The following SPINK8 variants were observed in gnomAD, a reference collection of about 807,000 sequenced individuals.
The protein encoded by SPINK8 is serine protease inhibitor Kazal-type 8.
Under a neutral mutation model 14.4 loss-of-function variants are expected in SPINK8, and 12 were observed. The observed-to-expected ratio is 0.83, with a 90% confidence interval of 0.53 to 1.35. SPINK8 has a LOEUF of 1.35. Among genes scored for constraint, SPINK8 ranks in the 40% most tolerant of loss-of-function variants. The pLI is 0.00. For synonymous variants in SPINK8, 32 were observed against 37.6 expected (o/e 0.85, Z 0.55); for missense variants, 103 against 117.0 (o/e 0.88, Z 0.55).
intron 7 of SPINK8, among the ~76,000 whole-genome samples, chr3:48,307,534 G>GCCCCCCCC (rs1365598443): frequency 1.4e-5 from 1 of 73,034 alleles, no homozygotes; most frequent in African/African-American, 6.7e-5. Context: ...CTCCCTATCT[G>GCCCCCCCC]CCCCCCACCC....
At chr3:48,321,812 TAA>T (rs907880824) in intron 4 of SPINK8, among the ~76,000 whole-genome samples, 3 of 141,646 alleles carry the variant, frequency 2.1e-5, no homozygotes, top group South Asian at 2.2e-4. Flanking sequence ...AGACTCCGTC[TAA>T]AAAAAAAAAA....
chr3:48,328,081 G>A (rs2036170073), intron 4 of SPINK8, among the ~76,000 whole-genome samples, 194 bp downstream of exon 4: 1 of 152,314 alleles, frequency 6.6e-6, no homozygotes, highest in Non-Finnish European at 1.5e-5. Flanking sequence ...GACTTGGATG[G>A]TTTGGATTCA....
At chr3:48,320,037 G>A (rs984484144) in intron 5 of SPINK8, among the ~76,000 whole-genome samples, 1 of 152,022 alleles carries the variant, frequency 6.6e-6, no homozygotes, top group Non-Finnish European at 1.5e-5. Flanking sequence ...GGCTGAGGCA[G>A]GAGAATGATG....
At chr3:48,331,050 C>T (rs1209516143) in intron 2 of SPINK8, among the ~76,000 whole-genome samples, 1 of 152,074 alleles carries the variant, frequency 6.6e-6, no homozygotes, top group Non-Finnish European at 1.5e-5. Context: ...TAGTCAGGGA[C>T]TGCATCTGGG....
At chr3:48,310,374 A>G (rs1167454639) in intron 6 of SPINK8, among the ~76,000 whole-genome samples, 3 of 152,224 alleles carry the variant, frequency 2.0e-5, no homozygotes, top group African/African-American at 7.2e-5. Context: ...ACAAATTATC[A>G]AAACTTAATA....
intron 2 of SPINK8, among the ~76,000 whole-genome samples, chr3:48,330,667 T>A (rs1403356182): frequency 6.6e-6 from 1 of 152,008 alleles, no homozygotes; most frequent in African/African-American, 2.4e-5. Flanking sequence ...GATATATGAT[T>A]TGACTATTTC....
chr3:48,329,594 A>G (rs1490884519), intron 2 of SPINK8, among the ~76,000 whole-genome samples: 1 of 152,254 alleles, frequency 6.6e-6, no homozygotes, highest in East Asian at 1.9e-4. Flanking sequence ...TATTTTATCA[A>G]GTCAAAAGTG....
chr3:48,317,264 T>G (rs7652233), intron 6 of SPINK8, among the ~76,000 whole-genome samples: 32,761 of 151,974 alleles, frequency 0.22, 4,347 homozygotes, highest in South Asian at 0.3. Flanking sequence ...CGAGGCAGGC[T>G]GATCACCTGA....
chr3:48,309,508 T>G (rs559681083), intron 7 of SPINK8, among the ~76,000 whole-genome samples: 38 of 152,328 alleles, frequency 2.5e-4, no homozygotes, highest in Non-Finnish European at 5.3e-4. Flanking sequence ...CAGAAGGTGT[T>G]ATTTTTGGTT....
At chr3:48,323,864 T>C (rs2036106524) in intron 4 of SPINK8, among the ~76,000 whole-genome samples, 1 of 152,150 alleles carries the variant, frequency 6.6e-6, no homozygotes, top group Admixed American at 6.5e-5. Flanking sequence ...CTCATGCTAG[T>C]ACCAAACTGT....
intron 6 of SPINK8, among the ~76,000 whole-genome samples, chr3:48,314,479 T>C (rs2035960799): frequency 6.6e-6 from 1 of 152,114 alleles, no homozygotes; most frequent in South Asian, 2.1e-4. Context: ...ATGGTAGTAA[T>C]GAAAAACAAC....
At chr3:48,331,429 T>C (rs903662944) in intron 2 of SPINK8, among the ~76,000 whole-genome samples, 5 of 152,176 alleles carry the variant, frequency 3.3e-5, no homozygotes, top group Non-Finnish European at 5.9e-5. Context: ...CTTTCCTTTC[T>C]GATGACTCCT....
chr3:48,308,301 C>A (rs1175493485), intron 7 of SPINK8, among the ~76,000 whole-genome samples: 1 of 151,958 alleles, frequency 6.6e-6, no homozygotes, highest in Admixed American at 6.6e-5. Context: ...CTCTGCAAAT[C>A]CTTGGCATCC....
intron 6 of SPINK8, among the ~76,000 whole-genome samples, chr3:48,313,331 T>G (rs917597022): frequency 2.0e-5 from 3 of 152,134 alleles, no homozygotes; most frequent in Non-Finnish European, 4.4e-5. Context: ...GAGTAGATAT[T>G]TCTCCAAAAA....
chr3:48,323,275 G>A (rs1175641631), intron 4 of SPINK8, among the ~76,000 whole-genome samples: 1 of 152,080 alleles, frequency 6.6e-6, no homozygotes, highest in Non-Finnish European at 1.5e-5. Flanking sequence ...CACCCGAGTA[G>A]CTGGGATTAC....
At chr3:48,307,127 G>A (rs1445278726) in intron 7 of SPINK8, 124 bp from the exon 8 acceptor site, 20 of 954,324 alleles carry the variant, frequency 2.1e-5, no homozygotes, top group Non-Finnish European at 3.2e-5. Context: ...CTGAATTAAG[G>A]CAGGTTAGAG....
At chr3:48,319,395 G>T (rs888647805) in intron 6 of SPINK8, 102 bp downstream of exon 6, 54 of 1,327,766 alleles carry the variant, frequency 4.1e-5, no homozygotes, top group African/African-American at 5.8e-5. Context: ...TGGAGAGAAG[G>T]TCTCATTGGA....
At chr3:48,326,228 C>A (rs2036139607) in intron 4 of SPINK8, among the ~76,000 whole-genome samples, 1 of 152,154 alleles carries the variant, frequency 6.6e-6, no homozygotes, top group African/African-American at 2.4e-5. Context: ...TTCCCTCACA[C>A]TGCGCTGGGA....
chr3:48,320,923 G>A, intron 5 of SPINK8, 102 bp downstream of exon 5: 1 of 1,137,758 alleles, frequency 8.8e-7, no homozygotes, highest in Non-Finnish European at 1.3e-6. Context: ...TCCCATGCAA[G>A]CCCCCTCCAC....
Sources: gnomAD v4.1 joint callset for allele counts (sites outside exome capture counted in the v4.1 genomes callset) on GRCh38, gnomAD v4.1.1 for gene constraint, MANE v1.5 for transcripts, NCBI Gene and HGNC (gene_info 2026-07-23, HGNC 2026-07-21) for gene names.